Variants in VSTM5 observed in about 807,000 individuals in gnomAD.
The protein encoded by VSTM5 is V-set and transmembrane domain containing 5.
A neutral mutation model predicts 20.3 loss-of-function variants in VSTM5; 21 were observed. That is an observed-to-expected ratio of 1.03 (90% CI 0.73 to 1.49). The LOEUF is 1.49. Ranked by LOEUF, VSTM5 falls within the 40% of genes most tolerant of loss-of-function variation. The pLI, the probability that VSTM5 is intolerant of heterozygous loss-of-function variation, is 0.00. For missense variants in VSTM5, 219 were observed against 250.0 expected, an observed-to-expected ratio of 0.88 and a Z score of 0.84; for synonymous variants, 100 against 102.5, an observed-to-expected ratio of 0.98 and a Z score of 0.14.
intron 1 of VSTM5, among the ~76,000 whole-genome samples, chr11:93,849,796 T>C (rs1944442989): frequency 6.6e-6 from 1 of 152,200 alleles, no homozygotes; most frequent in Non-Finnish European, 1.5e-5. Flanking sequence ...GGATTCCGGG[T>C]CCGGCCATCC....
chr11:93,821,476 G>A, intron 1 of VSTM5, 153 bp from the exon 2 acceptor site: 1 of 724,540 alleles, frequency 1.4e-6, no homozygotes, highest in Non-Finnish European at 2.2e-6. Flanking sequence ...CGATAATGCT[G>A]AACAAGACAC....
rs1488279188 is a variant in VSTM5, at chr11:93,841,019, C to T, written c.91+9393G>A. Among the ~76,000 whole-genome samples, 9 of 144,652 alleles carry T rather than the reference C, an allele frequency of 6.2e-5. No homozygotes were observed. In the East Asian group the frequency reaches 7.7e-4, roughly 12 times the overall value. 94.9% of individuals were successfully genotyped at this position (144,652 alleles called of 152,430 possible). ...GGAACCTAAGGCCAATTAACAAAAA[C>T]GCAGTAAAGCTAAACCAAAAGGAAA... On this transcript the variant is annotated intron_variant, in intron 1 of 3. Coordinates refer to ENST00000409977, the MANE Select transcript of VSTM5 (RefSeq NM_001144871.2).
chr11:93,850,396 GT>G lies in VSTM5; in HGVS notation c.91+15del. On this transcript the variant is annotated intron_variant, in intron 1 of 3. Coordinates refer to ENST00000409977, the MANE Select transcript of VSTM5 (RefSeq NM_001144871.2). ...TTCCCGCTCCCCCAGCACCCGGGGC[GT>G]CCCCCGGAGCTTACTCTGCAGACAG... The G allele has an allele frequency of 1.3e-6, 2 of 1,544,116 alleles. No homozygotes were observed. Among genetic ancestry groups the G allele is most frequent in the Non-Finnish European group, 8.7e-7 (1 of 1,143,078 alleles).
chr11:93,826,520 C>A (rs1316711840), intron 1 of VSTM5, among the ~76,000 whole-genome samples: 1 of 151,958 alleles, frequency 6.6e-6, no homozygotes, highest in South Asian at 2.1e-4. Context: ...GCCTCAGCCA[C>A]CCGAGTAGCT....
At chr11:93,838,944 C>G (rs1268477015) in intron 1 of VSTM5, among the ~76,000 whole-genome samples, 1 of 152,226 alleles carries the variant, frequency 6.6e-6, no homozygotes, top group African/African-American at 2.4e-5. Flanking sequence ...AAGACAGGGT[C>G]GGGGACCAAC....
At chr11:93,838,995 A>T (rs1944347142) in intron 1 of VSTM5, among the ~76,000 whole-genome samples, 1 of 152,194 alleles carries the variant, frequency 6.6e-6, no homozygotes, top group Non-Finnish European at 1.5e-5. Flanking sequence ...CTCCAGCCCC[A>T]CTTAGGAGTC....
intron 1 of VSTM5, among the ~76,000 whole-genome samples, chr11:93,840,759 C>T (rs187267920): frequency 1.3e-5 from 2 of 152,116 alleles, no homozygotes; most frequent in Non-Finnish European, 2.9e-5. Context: ...TTGCAGGGCC[C>T]GGTCCCCAGT....
intron 1 of VSTM5, among the ~76,000 whole-genome samples, chr11:93,839,069 C>G (rs145589813): frequency 6.6e-6 from 1 of 152,350 alleles, no homozygotes; most frequent in African/African-American, 2.4e-5. Flanking sequence ...CCGGCCCCTG[C>G]AGAAAGGGCC....
intron 1 of VSTM5, among the ~76,000 whole-genome samples, chr11:93,838,627 TA>T (rs56088617): frequency 0.73 from 67,751 of 93,200 alleles, 24,541 homozygotes; most frequent in South Asian, 0.84. Context: ...TCCCGTCTCT[TA>T]AAAAAAAAAA....
At position 93,820,281 on chromosome 11, in the gene VSTM5, A is replaced by T. The variant is rs1434233731; in HGVS notation, c.*288T>A. 4.4e-6 allele frequency: 2 copies of T among 449,640 alleles called. No individual in the cohort carries two copies. Among genetic ancestry groups the T allele is most frequent in the Non-Finnish European group, 4.1e-6 (1 of 245,342 alleles). 27.9% of individuals were successfully genotyped at this position (449,640 alleles called of 1,614,324 possible). A position where few individuals can be genotyped will look rare whatever the true frequency, so the allele number is the denominator to read the frequency against. On this transcript the variant is annotated 3_prime_UTR_variant, in exon 4 of 4. Transcript: ENST00000409977. ...TCGTGAGCAAGCAGCCAACGCCTGC[A>T]CTCACCCATTGGTTATGTGTCAGCA...
chr11:93,820,483 C>G lies in VSTM5; in HGVS notation c.*86G>C. 1.4e-6 allele frequency: 2 copies of G among 1,454,382 alleles called. No individual in the cohort carries two copies. The highest frequency in any genetic ancestry group is 1.9e-6 in the Non-Finnish European group (2 of 1,064,046). 90.1% of individuals were successfully genotyped at this position (1,454,382 alleles called of 1,614,324 possible). On this transcript the variant is annotated 3_prime_UTR_variant, in exon 4 of 4. Coordinates refer to ENST00000409977, the MANE Select transcript of VSTM5 (RefSeq NM_001144871.2). ...AGGAGCGGGCTGCAACAGGACCACA[C>G]ACAATGGGTATAATAGCTGTGCTTG...
intron 1 of VSTM5, among the ~76,000 whole-genome samples, chr11:93,843,570 T>G (rs1446103731): frequency 6.6e-6 from 1 of 152,236 alleles, no homozygotes; most frequent in East Asian, 1.9e-4. Flanking sequence ...CGTTGCAGGC[T>G]AACTCTGAAG....
Position 93,820,361 on chromosome 11 carries a change from TCTC to T in VSTM5, c.*205_*207del, listed in dbSNP as rs773074628. The T allele has an allele frequency of 3.4e-6, 2 of 582,986 alleles. No individual in the cohort carries two copies. Among genetic ancestry groups the T allele is most frequent in the Middle Eastern group, 4.8e-4 (1 of 2,082 alleles). The allele number at this position is 582,986 out of a possible 1,614,324, so 36.1% of individuals were successfully genotyped here. A position where few individuals can be genotyped will look rare whatever the true frequency, so the allele number is the denominator to read the frequency against. On this transcript the variant is annotated 3_prime_UTR_variant, in exon 4 of 4. Coordinates refer to ENST00000409977, the MANE Select transcript of VSTM5 (RefSeq NM_001144871.2). ...CCTGGTTCAAAGCCTCAATCACTCT[TCTC>T]CTTGAACTTAGCGCGAGTCCTAATA...
At chr11:93,844,031 A>ATGAC (rs1182470511) in intron 1 of VSTM5, among the ~76,000 whole-genome samples, 1 of 152,164 alleles carries the variant, frequency 6.6e-6, no homozygotes, top group Non-Finnish European at 1.5e-5. Flanking sequence ...CTCACGTTAG[A>ATGAC]TGACTGACTG....
At chr11:93,846,474 G>T (rs1404253933) in intron 1 of VSTM5, among the ~76,000 whole-genome samples, 1 of 152,218 alleles carries the variant, frequency 6.6e-6, no homozygotes, top group East Asian at 1.9e-4. Flanking sequence ...GTGCCCATCA[G>T]CCAGGGAGCT....
At chr11:93,833,561 G>A (rs1054451399) in intron 1 of VSTM5, among the ~76,000 whole-genome samples, 3 of 152,204 alleles carry the variant, frequency 2.0e-5, no homozygotes, top group African/African-American at 7.2e-5. Context: ...GTGAGACCCT[G>A]TCTCAAAAAT....
intron 1 of VSTM5, among the ~76,000 whole-genome samples, chr11:93,825,985 C>T (rs1481424859): frequency 6.6e-6 from 1 of 151,384 alleles, no homozygotes; most frequent in Non-Finnish European, 1.5e-5. Context: ...GTCTGTAATC[C>T]CAGCACTTCG....
intron 1 of VSTM5, chr11:93,821,761 A>G (rs1944188776): frequency 6.1e-6 from 1 of 164,470 alleles, no homozygotes; most frequent in South Asian, 1.7e-4. Context: ...CGACTGAAAT[A>G]AAGAAGAAAA....
intron 1 of VSTM5, among the ~76,000 whole-genome samples, chr11:93,829,019 G>A (rs534827879): frequency 6.6e-6 from 1 of 152,270 alleles, no homozygotes; most frequent in African/African-American, 2.4e-5. Context: ...GAGGATGAGG[G>A]TCGATGACAC....
Sources: gnomAD v4.1 joint callset for allele counts (sites outside exome capture counted in the v4.1 genomes callset) on GRCh38, gnomAD v4.1.1 for gene constraint, MANE v1.5 for transcripts, NCBI Gene and HGNC (gene_info 2026-07-23, HGNC 2026-07-21) for gene names.